Variants in ANKRD36 observed in about 807,000 individuals in gnomAD.
ANKRD36 encodes the protein ankyrin repeat domain 36.
In ANKRD36, 179 loss-of-function variants were observed where a neutral mutation model predicts 278.1. The observed-to-expected ratio is 0.64, with a 90% CI of 0.57 to 0.73. ANKRD36 has a LOEUF of 0.73. Among genes scored for constraint, ANKRD36 ranks in the 30% least tolerant of loss-of-function variants. The pLI, the probability that ANKRD36 is intolerant of heterozygous loss-of-function variation, is 0.00. For missense variants in ANKRD36, 1,159 were observed against 1,956.7 expected (o/e 0.59, Z 7.69); for synonymous variants, 320 against 641.1 (o/e 0.50, Z 7.57).
chr2:97,162,220 G>T (rs2049093889), intron 18 of ANKRD36, 82 bp downstream of exon 18: 2 of 1,105,136 alleles, frequency 1.8e-6, no homozygotes, highest in Non-Finnish European at 2.3e-6. Context: ...AACAAAGGTG[G>T]TGAGGTAGTG....
At chr2:97,173,572 A>T (rs543612092) in intron 22 of ANKRD36, among the ~76,000 whole-genome samples, 1 of 151,872 alleles carries the variant, frequency 6.6e-6, no homozygotes, top group African/African-American at 2.4e-5. Flanking sequence ...CAGATGTCAC[A>T]TACAGTGGTG....
chr2:97,127,655 C>A (rs1213721192), intron 6 of ANKRD36, among the ~76,000 whole-genome samples: 2 of 151,872 alleles, frequency 1.3e-5, no homozygotes, highest in East Asian at 1.9e-4. Context: ...AGAAAGAAAG[C>A]TTTTGCAGTA....
intron 62 of ANKRD36, among the ~76,000 whole-genome samples, chr2:97,216,424 A>G (rs546874013): frequency 6.6e-6 from 1 of 152,174 alleles, no homozygotes; most frequent in African/African-American, 2.4e-5. Context: ...AAACATATTA[A>G]TATCTAACGC....
intron 40 of ANKRD36, among the ~76,000 whole-genome samples, chr2:97,195,994 A>G (rs1321796875): frequency 6.6e-6 from 1 of 151,962 alleles, no homozygotes; most frequent in Non-Finnish European, 1.5e-5. Context: ...AACTTAAGCA[A>G]ATTATTACAC....
chr2:97,131,450 C>T (rs1316456081), intron 6 of ANKRD36, among the ~76,000 whole-genome samples: 4 of 152,096 alleles, frequency 2.6e-5, no homozygotes, highest in Admixed American at 6.6e-5. Flanking sequence ...CCTCCTGCCT[C>T]AGCCTCCCAA....
At chr2:97,178,182 G>A (rs2054909660) in intron 22 of ANKRD36, among the ~76,000 whole-genome samples, 1 of 150,642 alleles carries the variant, frequency 6.6e-6, no homozygotes, top group Non-Finnish European at 1.5e-5. Context: ...GAAACAACAG[G>A]TGCTGGAGAG....
intron 6 of ANKRD36, among the ~76,000 whole-genome samples, chr2:97,133,194 GC>G (rs1360583627): frequency 3.3e-5 from 5 of 151,956 alleles, no homozygotes; most frequent in African/African-American, 1.2e-4. Context: ...AGCAGTTACA[GC>G]CCCAACTTAA....
At chr2:97,208,050 A>T in intron 54 of ANKRD36, 44 bp downstream of exon 54, 1 of 1,461,144 alleles carries the variant, frequency 6.8e-7, no homozygotes, top group Non-Finnish European at 9.2e-7. Context: ...GTGCAGATAG[A>T]TAAGAAGTTC....
At chr2:97,179,995 C>G (rs2055666656) in intron 24 of ANKRD36, 62 bp downstream of exon 24, 1 of 1,595,388 alleles carries the variant, frequency 6.3e-7, no homozygotes, top group Admixed American at 1.7e-5. Context: ...CTTCCCTTAC[C>G]CAAATAAATC....
At chr2:97,178,328 G>T (rs2054969679) in intron 22 of ANKRD36, among the ~76,000 whole-genome samples, 1 of 151,912 alleles carries the variant, frequency 6.6e-6, no homozygotes, top group African/African-American at 2.4e-5. Context: ...CCATTAATGG[G>T]TATATACCCA....
chr2:97,166,060 C>T (rs369497668), intron 20 of ANKRD36, among the ~76,000 whole-genome samples: 1 of 97,612 alleles, frequency 1.0e-5, no homozygotes, highest in Non-Finnish European at 2.3e-5. Context: ...TTCTGTTTAT[C>T]TGGAACACAT....
chr2:97,209,694 A>G lies in ANKRD36; in HGVS notation c.3279A>G (p.Lys1093=), dbSNP rs769278997. 11 of 1,584,846 alleles carry G rather than the reference A, an allele frequency of 6.9e-6. 1 individual carries two copies. In the Admixed American group the frequency reaches 1.7e-4, roughly 25 times the overall value. The part of the protein sequence containing the change: ...GEKTKRVSSR[K]KPALKATSDE... ...TTTGCTTTTCAGTGTCTTCTCGGAA[A>G]AAACCAGCCTTGAAGGTAATGAAAC... The change falls in exon 55 of 76, where the codon AAA becomes AAG. Residue 1093 remains lysine, a synonymous_variant. Coordinates refer to ENST00000420699, the MANE Select transcript of ANKRD36 (RefSeq NM_001354587.1).
intron 17 of ANKRD36, among the ~76,000 whole-genome samples, chr2:97,159,845 G>A (rs954615520): frequency 3.3e-5 from 5 of 151,642 alleles, no homozygotes; most frequent in African/African-American, 7.2e-5. Context: ...GGCAGTGGGC[G>A]ATCTCGGCTC....
At chr2:97,220,755 A>ATTTT (rs2067293260) in intron 66 of ANKRD36, among the ~76,000 whole-genome samples, 1 of 66,912 alleles carries the variant, frequency 1.5e-5, no homozygotes, top group African/African-American at 9.6e-5. Context: ...TTTAATTTTT[A>ATTTT]ATTTTCTTTT....
At chr2:97,116,368 G>A (rs2035357718) in intron 1 of ANKRD36, among the ~76,000 whole-genome samples, 1 of 151,990 alleles carries the variant, frequency 6.6e-6, no homozygotes. Flanking sequence ...CTGCCTCTCA[G>A]GTTCAAGTGA....
intron 12 of ANKRD36, among the ~76,000 whole-genome samples, chr2:97,150,168 A>G (rs1182886209): frequency 6.6e-6 from 1 of 151,874 alleles, no homozygotes; most frequent in Admixed American, 6.6e-5. Flanking sequence ...CTCTTTATTT[A>G]ATTGAAAAAT....
chr2:97,116,830 A>G (rs1332504082), intron 1 of ANKRD36, among the ~76,000 whole-genome samples: 2 of 152,198 alleles, frequency 1.3e-5, no homozygotes, highest in South Asian at 4.2e-4. Flanking sequence ...TTTAATTTAT[A>G]GTTTTTTTCA....
At chr2:97,127,718 T>C (rs1023903154) in intron 6 of ANKRD36, among the ~76,000 whole-genome samples, 14 of 152,004 alleles carry the variant, frequency 9.2e-5, no homozygotes, top group Admixed American at 2.6e-4. Context: ...CTCAATCTAG[T>C]GTAAGGTGTT....
intron 40 of ANKRD36, among the ~76,000 whole-genome samples, chr2:97,196,179 T>C (rs1274077744): frequency 2.0e-5 from 3 of 151,968 alleles, no homozygotes; most frequent in African/African-American, 7.2e-5. Context: ...ATGATGAATG[T>C]TTGTAGTATA....
Sources: allele counts gnomAD v4.1 joint callset (sites outside exome capture counted in the v4.1 genomes callset), GRCh38; gene constraint gnomAD v4.1.1; transcripts MANE v1.5; gene names NCBI Gene and HGNC (gene_info 2026-07-23, HGNC 2026-07-21).